The following ABCC1 variants were observed in gnomAD, a reference collection of about 807,000 sequenced individuals.
ABCC1 encodes the protein multidrug resistance-associated protein 1.
A neutral mutation model predicts 172.9 loss-of-function variants in ABCC1; 83 were observed. The observed-to-expected ratio is 0.48, with a 90% confidence interval of 0.40 to 0.58. The LOEUF (loss-of-function observed/expected upper bound fraction) is 0.58. Among genes scored for constraint, ABCC1 ranks in the 20% least tolerant of loss-of-function variants. ABCC1 has a pLI of 0.00. For synonymous variants in ABCC1, 937 were observed against 825.2 expected, an observed-to-expected ratio of 1.14 and a Z score of -2.32; for missense variants, 1,817 against 2,002.7, an observed-to-expected ratio of 0.91 and a Z score of 1.77.
intron 5 of ABCC1, among the ~76,000 whole-genome samples, chr16:16,025,343 C>G (rs767110620): frequency 4.6e-5 from 7 of 152,156 alleles, no homozygotes; most frequent in Non-Finnish European, 1.0e-4. Flanking sequence ...TGGGTTCTCA[C>G]GCTTGAAACA....
chr16:16,026,295 T>C (rs2048365134), intron 5 of ABCC1, among the ~76,000 whole-genome samples: 1 of 151,716 alleles, frequency 6.6e-6, no homozygotes, highest in African/African-American at 2.4e-5. Flanking sequence ...TAGCCAGGCA[T>C]GGTGGTGTGC....
At chr16:16,006,789 A>G (rs964795614) in intron 1 of ABCC1, among the ~76,000 whole-genome samples, 1 of 150,320 alleles carries the variant, frequency 6.7e-6, no homozygotes, top group African/African-American at 2.4e-5. Flanking sequence ...GATAATACAC[A>G]TGAGGTACTT....
intron 1 of ABCC1, among the ~76,000 whole-genome samples, chr16:15,972,751 C>T (rs948078988): frequency 2.6e-5 from 4 of 151,342 alleles, no homozygotes; most frequent in East Asian, 3.9e-4. Flanking sequence ...TTTGAGTAAG[C>T]CAGCCAATAT....
intron 1 of ABCC1, among the ~76,000 whole-genome samples, chr16:15,976,808 A>G (rs1241805965): frequency 1.3e-5 from 2 of 152,134 alleles, no homozygotes; most frequent in Non-Finnish European, 2.9e-5. Flanking sequence ...TAGCCATGAG[A>G]GATGGGTGTT....
At chr16:16,036,411 G>A (rs1283781852) in intron 6 of ABCC1, 61 bp from the exon 7 acceptor site, 5 of 1,538,148 alleles carry the variant, frequency 3.3e-6, no homozygotes, top group Middle Eastern at 2.1e-4. Context: ...AGTGAGCCCC[G>A]TCCTCCCCCT....
At chr16:16,019,382 G>C (rs1166230076) in intron 5 of ABCC1, among the ~76,000 whole-genome samples, 1 of 152,132 alleles carries the variant, frequency 6.6e-6, no homozygotes, top group East Asian at 1.9e-4. Flanking sequence ...GGGATTACAG[G>C]TGTGAGCCAC....
intron 3 of ABCC1, among the ~76,000 whole-genome samples, chr16:16,010,647 G>A (rs4781716): frequency 0.64 from 96,971 of 151,664 alleles, 31,461 homozygotes; most frequent in Non-Finnish European, 0.7. Flanking sequence ...ATTACAGCTG[G>A]TGTGTATTGA....
At chr16:15,989,038 C>T (rs939236656) in intron 1 of ABCC1, among the ~76,000 whole-genome samples, 5 of 140,404 alleles carry the variant, frequency 3.6e-5, no homozygotes, top group African/African-American at 5.4e-5. Flanking sequence ...CATTACACTC[C>T]AGCCGAGGAG....
chr16:15,958,148 C>T (rs921484329), intron 1 of ABCC1, among the ~76,000 whole-genome samples: 1 of 152,190 alleles, frequency 6.6e-6, no homozygotes, highest in Admixed American at 6.5e-5. Flanking sequence ...CTCTGTCACC[C>T]AGGCTGGAGT....
At chr16:15,990,808 C>T (rs2046844719) in intron 1 of ABCC1, among the ~76,000 whole-genome samples, 1 of 141,742 alleles carries the variant, frequency 7.1e-6, no homozygotes, top group Non-Finnish European at 1.5e-5. Context: ...TGCCGCCACG[C>T]CCGGCTAATT....
At chr16:16,029,821 G>A (rs1181799672) in intron 5 of ABCC1, among the ~76,000 whole-genome samples, 1 of 152,138 alleles carries the variant, frequency 6.6e-6, no homozygotes, top group Non-Finnish European at 1.5e-5. Flanking sequence ...TTTGAGACCA[G>A]CCTGATCAAT....
At chr16:15,971,096 G>A (rs1025617068) in intron 1 of ABCC1, among the ~76,000 whole-genome samples, 2 of 152,196 alleles carry the variant, frequency 1.3e-5, no homozygotes, top group African/African-American at 4.8e-5. Flanking sequence ...AGACGGAGGA[G>A]GGCTCCAAAG....
chr16:16,073,213 A>G (rs1260298879), intron 14 of ABCC1, among the ~76,000 whole-genome samples: 1 of 152,084 alleles, frequency 6.6e-6, no homozygotes, highest in East Asian at 1.9e-4. Flanking sequence ...CCCATTTTCC[A>G]GATGAAGAAA....
At chr16:16,049,087 C>G (rs4148344) in intron 10 of ABCC1, among the ~76,000 whole-genome samples, 17,554 of 152,062 alleles carry the variant, frequency 0.12, 1,307 homozygotes, top group Non-Finnish European at 0.15. Flanking sequence ...TCCAGGAGAT[C>G]AAGCAATGTT....
chr16:15,974,742 CAG>C (rs1247369694), intron 1 of ABCC1, among the ~76,000 whole-genome samples: 10 of 152,088 alleles, frequency 6.6e-5, no homozygotes, highest in African/African-American at 2.4e-4. Flanking sequence ...TAGGAAGAAA[CAG>C]AGTCTTAGAA....
At chr16:16,051,673 A>G (rs2049436259) in intron 10 of ABCC1, among the ~76,000 whole-genome samples, 2 of 152,090 alleles carry the variant, frequency 1.3e-5, no homozygotes, top group African/African-American at 4.8e-5. Context: ...CTGGGTTTGT[A>G]TTAGGGGCAG....
intron 24 of ABCC1, among the ~76,000 whole-genome samples, chr16:16,124,400 T>TGTGTGTGTGTGTGTGTGG (rs1555502644): frequency 7.7e-6 from 1 of 130,396 alleles, no homozygotes; most frequent in Non-Finnish European, 1.7e-5. Flanking sequence ...TGTGTGTGTG[T>TGTGTGTGTGTGTGTGTGG]GTGTGTGTGT....
intron 19 of ABCC1, among the ~76,000 whole-genome samples, chr16:16,091,126 C>T (rs148397044): frequency 1.2e-3 from 177 of 152,158 alleles, no homozygotes; most frequent in African/African-American, 4.2e-3. Context: ...TTTCCTCCCT[C>T]ATAAAGCAGT....
At chr16:16,004,513 C>T (rs967135446) in intron 1 of ABCC1, among the ~76,000 whole-genome samples, 1 of 152,116 alleles carries the variant, frequency 6.6e-6, no homozygotes, top group Non-Finnish European at 1.5e-5. Flanking sequence ...AGATGTCATG[C>T]CTTCTCCACG....
Sources: gnomAD v4.1 joint callset for allele counts (sites outside exome capture counted in the v4.1 genomes callset) on GRCh38, gnomAD v4.1.1 for gene constraint, MANE v1.5 for transcripts, NCBI Gene and HGNC (gene_info 2026-07-23, HGNC 2026-07-21) for gene names.